TACR3: variants seen among roughly 807,000 people sequenced by gnomAD.
The protein encoded by TACR3 is tachykinin receptor 3.
A neutral mutation model predicts 35.0 loss-of-function variants in TACR3; 34 were observed. That is an observed-to-expected ratio of 0.97 (90% CI 0.74 to 1.30). The LOEUF (loss-of-function observed/expected upper bound fraction) is 1.30, where lower values mean the gene tolerates loss of function less well. Among genes scored for constraint, TACR3 ranks in the 50% most tolerant of loss-of-function variants. The pLI, the probability that TACR3 is intolerant of heterozygous loss-of-function variation, is 0.00. For missense variants in TACR3, 558 were observed against 591.7 expected (o/e 0.94, Z 0.59); for synonymous variants, 233 against 221.1 (o/e 1.05, Z -0.48).
At chr4:103,704,105 C>CACAAAA (rs1722728955) in intron 1 of TACR3, among the ~76,000 whole-genome samples, 1 of 64,612 alleles carries the variant, frequency 1.5e-5, no homozygotes. Flanking sequence ...CTCTATCTCA[C>CACAAAA]AAAAAAAAAA....
intron 3 of TACR3, among the ~76,000 whole-genome samples, chr4:103,650,615 ATAT>A (rs1361542167): frequency 2.2e-5 from 2 of 92,280 alleles, no homozygotes; most frequent in South Asian, 2.5e-4. Context: ...ATATATAAAT[ATAT>A]TATATATAAA....
At chr4:103,686,298 G>T (rs7677262) in intron 1 of TACR3, among the ~76,000 whole-genome samples, 18,040 of 152,126 alleles carry the variant, frequency 0.12, 1,470 homozygotes, top group East Asian at 0.43. Context: ...AGATCCAATG[G>T]CAAATAGTAG....
intron 3 of TACR3, among the ~76,000 whole-genome samples, chr4:103,604,533 G>A (rs1219156574): frequency 6.6e-6 from 1 of 152,118 alleles, no homozygotes; most frequent in East Asian, 1.9e-4. Context: ...AGCCAAAATT[G>A]ACAAATGGGA....
chr4:103,689,675 A>G (rs1722354929), intron 1 of TACR3, among the ~76,000 whole-genome samples: 1 of 152,088 alleles, frequency 6.6e-6, no homozygotes, highest in Non-Finnish European at 1.5e-5. Flanking sequence ...TTAAAGACAA[A>G]TGAACAAAGC....
intron 3 of TACR3, among the ~76,000 whole-genome samples, chr4:103,595,466 C>A (rs1723984477): frequency 6.6e-6 from 1 of 152,148 alleles, no homozygotes; most frequent in African/African-American, 2.4e-5. Flanking sequence ...CAGGATGGAA[C>A]TGCATGTCCT....
chr4:103,699,821 C>T (rs754154523), intron 1 of TACR3, among the ~76,000 whole-genome samples: 26 of 152,142 alleles, frequency 1.7e-4, no homozygotes, highest in Non-Finnish European at 1.9e-4. Context: ...TTTAGAGGAA[C>T]GTCAGGAACT....
At chr4:103,642,296 T>C (rs1024229843) in intron 3 of TACR3, among the ~76,000 whole-genome samples, 2 of 151,320 alleles carry the variant, frequency 1.3e-5, no homozygotes, top group African/African-American at 4.8e-5. Context: ...AAAATTATTA[T>C]TTGTCAATTT....
In TACR3 at chr4:103,627,083, G is replaced by A. The variant is rs186879862; in HGVS notation, c.888+29111C>T. ...TGTAGTCCCAGCTCCTTGGGAGGCT[G>A]AGGCAGGAGAATCACTTGAACTCAG... On this transcript the variant is annotated intron_variant, in intron 3 of 4. Coordinates refer to ENST00000304883, the MANE Select transcript of TACR3 (RefSeq NM_001059.3). Among the ~76,000 whole-genome samples, 938 of 147,624 alleles carry A rather than the reference G, an allele frequency of 6.4e-3. 13 individuals are homozygous for A. Among genetic ancestry groups the A allele is most frequent in the Non-Finnish European group, 7.4e-3 (497 of 67,372 alleles).
intron 1 of TACR3, among the ~76,000 whole-genome samples, chr4:103,682,227 G>A (rs962939290): frequency 6.6e-6 from 1 of 152,088 alleles, no homozygotes; most frequent in Admixed American, 6.6e-5. Context: ...AAACTCCTAG[G>A]CTCAAGTGAT....
chr4:103,642,527 G>T (rs1725377694), intron 3 of TACR3, among the ~76,000 whole-genome samples: 1 of 151,730 alleles, frequency 6.6e-6, no homozygotes, highest in South Asian at 2.1e-4. Flanking sequence ...GGAACTGGAG[G>T]ACATTATGCT....
intron 1 of TACR3, among the ~76,000 whole-genome samples, chr4:103,703,204 T>A (rs1722702363): frequency 6.6e-6 from 1 of 152,170 alleles, no homozygotes; most frequent in African/African-American, 2.4e-5. Flanking sequence ...TTTTAATTAA[T>A]TTTGTTTTTA....
chr4:103,643,764 G>A (rs919306508), intron 3 of TACR3, among the ~76,000 whole-genome samples: 3 of 151,860 alleles, frequency 2.0e-5, no homozygotes, highest in African/African-American at 4.8e-5. Context: ...TATGTTTCAT[G>A]AAGTATTGAT....
intron 3 of TACR3, among the ~76,000 whole-genome samples, chr4:103,603,558 T>C (rs956407727): frequency 1.3e-5 from 2 of 152,238 alleles, no homozygotes; most frequent in African/African-American, 2.4e-5. Flanking sequence ...ATATTTTCTT[T>C]ATCCAGTCTA....
At chr4:103,708,068 T>C (rs1234437964) in intron 1 of TACR3, among the ~76,000 whole-genome samples, 1 of 152,192 alleles carries the variant, frequency 6.6e-6, no homozygotes, top group African/African-American at 2.4e-5. Context: ...AGACTCCACC[T>C]CTGGGGGCAG....
At chr4:103,619,550 A>G (rs1410333612) in intron 3 of TACR3, among the ~76,000 whole-genome samples, 1 of 152,144 alleles carries the variant, frequency 6.6e-6, no homozygotes, top group Non-Finnish European at 1.5e-5. Context: ...GACTTCCAGT[A>G]CTATGTTGAA....
At chr4:103,644,068 G>A in intron 3 of TACR3, among the ~76,000 whole-genome samples, 1 of 151,670 alleles carries the variant, frequency 6.6e-6, no homozygotes, top group Non-Finnish European at 1.5e-5. Context: ...GCCTTTCAAA[G>A]TGTTTCACAT....
intron 3 of TACR3, among the ~76,000 whole-genome samples, chr4:103,609,259 T>C (rs976015297): frequency 1.3e-5 from 2 of 152,148 alleles, no homozygotes; most frequent in Non-Finnish European, 2.9e-5. Context: ...CAAAATTATT[T>C]CCATACACAA....
chr4:103,617,592 A>ATGAG (rs1192148314), intron 3 of TACR3, among the ~76,000 whole-genome samples: 2 of 152,178 alleles, frequency 1.3e-5, no homozygotes, highest in Non-Finnish European at 2.9e-5. Flanking sequence ...TATTCTTTTT[A>ATGAG]GCAACTCATA....
rs980260145 is a variant in TACR3, at chr4:103,719,868, C to A, written c.-193G>T. On this transcript the variant is annotated 5_prime_UTR_variant, in exon 1 of 5. Coordinates refer to ENST00000304883, the MANE Select transcript of TACR3 (RefSeq NM_001059.3). ...GGCTAAGGGGCAACAGCTGCACTTT[C>A]TCAGAGGCGCTTGCGGCTCTGGCAG... 2 of 669,918 alleles carry A rather than the reference C, an allele frequency of 3.0e-6. No homozygotes were observed. Among genetic ancestry groups the A allele is most frequent in the African/African-American group, 3.6e-5 (2 of 55,118 alleles). 41.5% of individuals were successfully genotyped at this position (669,918 alleles called of 1,614,324 possible). A position where few individuals can be genotyped will look rare whatever the true frequency, so the allele number is the denominator to read the frequency against.
Sources: allele counts gnomAD v4.1 joint callset (sites outside exome capture counted in the v4.1 genomes callset), GRCh38; gene constraint gnomAD v4.1.1; transcripts MANE v1.5; gene names NCBI Gene and HGNC (gene_info 2026-07-23, HGNC 2026-07-21).